Variants in NCBP3 observed in about 807,000 individuals in gnomAD.
NCBP3 encodes nuclear cap-binding protein subunit 3.
NCBP3 carries 20 observed loss-of-function variants against 75.7 expected under a neutral mutation model. The ratio of observed to expected loss-of-function variants is 0.26; its 90% confidence interval spans 0.19 to 0.38. NCBP3 has a LOEUF of 0.38. Among genes scored for constraint, NCBP3 ranks in the 10% least tolerant of loss-of-function variants. The pLI, the probability that NCBP3 is intolerant of heterozygous loss-of-function variation, is 1.00. For synonymous variants in NCBP3, 293 were observed against 290.5 expected, an observed-to-expected ratio of 1.01 and a Z score of -0.09; for missense variants, 678 against 796.9, an observed-to-expected ratio of 0.85 and a Z score of 1.80.
At chr17:3,829,478 T>A in intron 3 of NCBP3, 110 bp from the exon 4 acceptor site, 1 of 1,200,306 alleles carries the variant, frequency 8.3e-7, no homozygotes, top group East Asian at 2.6e-5. Flanking sequence ...GAAAGAAACA[T>A]GCTGAGAGAA....
chr17:3,815,442 G>A (rs141061916), intron 11 of NCBP3, among the ~76,000 whole-genome samples: 8 of 152,258 alleles, frequency 5.3e-5, no homozygotes, highest in African/African-American at 1.9e-4. Flanking sequence ...TAGCAGGTAC[G>A]GCTAAAGACC....
chr17:3,832,292 CCTA>C (rs1597407939), intron 3 of NCBP3, among the ~76,000 whole-genome samples: 1 of 119,604 alleles, frequency 8.4e-6, no homozygotes, highest in African/African-American at 2.5e-5. Context: ...AATATACCCA[CCTA>C]CTATGTACCC....
chr17:3,811,008 T>C lies in NCBP3; in HGVS notation c.*2036A>G, dbSNP rs1328426470. ...TTGCCCCGTCAGTAGAAGCAGAGAC[T>C]GTGCTGGGATGGGAATAAGCCCCTG... On this transcript the variant is annotated 3_prime_UTR_variant, in exon 13 of 13. Transcript: ENST00000389005. The C allele has an allele frequency of 2.0e-5, 3 of 152,354 alleles. No individual in the cohort carries two copies. Among genetic ancestry groups the C allele is most frequent in the African/African-American group, 7.2e-5 (3 of 41,462 alleles). The allele number at this position is 152,354 out of a possible 1,614,324, so 9.4% of individuals were successfully genotyped here.
rs535761775 is a variant in NCBP3 at position 3,846,150 on chromosome 17, G to T, written c.74C>A (p.Ser25Tyr). Residue 25 changes from serine (S) to tyrosine (Y), a missense_variant, in exon 1 of 13, where the codon TCC (serine) becomes TAC (tyrosine). This residue lies in a region of NCBP3 where 76 missense variants were observed against 53.8 expected (regional missense o/e 1.41). Transcript: ENST00000389005. The surrounding 1 kb of genome is among the most constrained non-coding windows in gnomAD (Gnocchi z 4.6). ...APAGPALGLP[S>Y]PEAESGVDRG... Reference sequence around the variant, plus strand: ...GTCAACACCGGACTCCGCCTCAGGGGACGGGAGCCCCAGGGCCGGCCCCGC... The same window carrying T: ...GTCAACACCGGACTCCGCCTCAGGGTACGGGAGCCCCAGGGCCGGCCCCGC... 5.4e-4 allele frequency: 831 copies of T among 1,538,378 alleles called. 4 individuals carry two copies. In the Middle Eastern group the frequency reaches 0.011, roughly 20 times the overall value.
chr17:3,819,829 G>C (rs1304585783), intron 9 of NCBP3, among the ~76,000 whole-genome samples: 1 of 152,056 alleles, frequency 6.6e-6, no homozygotes, highest in Non-Finnish European at 1.5e-5. Context: ...CATCATACAG[G>C]GTACTAGAAA....
Position 3,825,034 on chromosome 17 carries a change from T to C in NCBP3, c.704A>G (p.Gln235Arg). 6.5e-7 allele frequency: 1 copy of C among 1,530,744 alleles called. No individual in the cohort carries two copies. Among genetic ancestry groups the C allele is most frequent in the Non-Finnish European group, 8.8e-7 (1 of 1,133,914 alleles). 94.8% of individuals were successfully genotyped at this position (1,530,744 alleles called of 1,614,324 possible). Residue 235 changes from glutamine (Q) to arginine (R), a missense_variant, in exon 7 of 13, where the codon CAG becomes CGG. By Grantham distance (43) the Gln-to-Arg change is conservative (BLOSUM62 1). Transcript: ENST00000389005. The part of the protein sequence containing the change: ...SSDVELDTLS[Q>R]VEEESLLRND... Reference sequence around the variant, plus strand: ...TCTTAACAAAGACTCCTCTTCTACCTGAGACAACGTATCCAACTTAAGAAA... The same window carrying C: ...TCTTAACAAAGACTCCTCTTCTACCCGAGACAACGTATCCAACTTAAGAAA...
At chr17:3,831,143 T>C (rs1161301805) in intron 3 of NCBP3, among the ~76,000 whole-genome samples, 3 of 149,232 alleles carry the variant, frequency 2.0e-5, no homozygotes, top group Non-Finnish European at 4.5e-5. Flanking sequence ...ACTCCCGACC[T>C]CAGGTGATCC....
chr17:3,820,769 A>ACAAATAC (rs1233823209), intron 9 of NCBP3, among the ~76,000 whole-genome samples: 2 of 152,126 alleles, frequency 1.3e-5, no homozygotes, highest in South Asian at 4.1e-4. Context: ...CATCTCTACT[A>ACAAATAC]AAAATACAAA....
At chr17:3,813,540 C>T (rs2053465728) in intron 12 of NCBP3, among the ~76,000 whole-genome samples, 1 of 152,216 alleles carries the variant, frequency 6.6e-6, no homozygotes, top group African/African-American at 2.4e-5. Context: ...CCAGACACAT[C>T]AGAATCACCT....
chr17:3,843,154 AAC>A lies in NCBP3; in HGVS notation c.184-5_184-4del, dbSNP rs904211294. 3.9e-6 allele frequency: 6 copies of A among 1,551,240 alleles called. No homozygotes were observed. In the African/African-American group the frequency reaches 5.5e-5, roughly 14 times the overall value. On this transcript the variant is annotated splice_polypyrimidine_tract_variant and splice_region_variant and intron_variant, in intron 1 of 12. Transcript: ENST00000389005. The stretch of plus-strand genomic sequence containing the variant: ...TTTTCATATCTTCTGCTCGTGTCCT[AAC>A]ACAAAGGGGAAGGGTGAGAAATTCA...
intron 7 of NCBP3, chr17:3,822,465 A>T (rs1466146756): frequency 6.3e-6 from 1 of 158,762 alleles, no homozygotes; most frequent in East Asian, 1.9e-4. Flanking sequence ...ACAACACAGC[A>T]TCAGGATTAA....
At position 3,813,117 on chromosome 17, in the gene NCBP3, C is replaced by T. The variant is rs773424380; in HGVS notation, c.1790G>A (p.Arg597Gln). 8.1e-6 allele frequency: 13 copies of T among 1,614,100 alleles called. No homozygotes were observed. The highest frequency in any genetic ancestry group is 4.0e-5 in the African/African-American group (3 of 74,932). Residue 597 changes from arginine (R) to glutamine (Q), a missense_variant, in exon 13 of 13, where the codon CGG (arginine) becomes CAG (glutamine). Arg to Gln is a conservative substitution (Grantham distance 43). Around this residue, in one of 7 missense-constraint regions of NCBP3, gnomAD observed 365 missense variants for 392.7 expected, o/e 0.93. Coordinates refer to ENST00000389005, the MANE Select transcript of NCBP3 (RefSeq NM_001114118.3). ...EKEQSRQKKSRLDNLPSLQIE... is the reference protein window; with the variant it reads ...EKEQSRQKKSQLDNLPSLQIE... ...CTGGAGAGATGGTAAGTTATCTAACCGGCTCTTCTTTTGGCGAGACTGCTC... is the reference window on the plus strand; with the variant it reads ...CTGGAGAGATGGTAAGTTATCTAACTGGCTCTTCTTTTGGCGAGACTGCTC...
intron 12 of NCBP3, among the ~76,000 whole-genome samples, 162 bp from the exon 13 acceptor site, chr17:3,813,441 C>T (rs552260384): frequency 6.6e-6 from 1 of 152,190 alleles, no homozygotes; most frequent in Non-Finnish European, 1.5e-5. Flanking sequence ...TCTCATTTCC[C>T]GGGCCGCAGC....
chr17:3,844,598 C>G (rs2054126178), intron 1 of NCBP3, among the ~76,000 whole-genome samples: 1 of 152,202 alleles, frequency 6.6e-6, no homozygotes, highest in African/African-American at 2.4e-5. Flanking sequence ...GGCCTGTAAT[C>G]CCAGCACTTT....
At chr17:3,814,545 C>G (rs749130602) in intron 11 of NCBP3, 62 bp from the exon 12 acceptor site, 62 of 1,567,190 alleles carry the variant, frequency 4.0e-5, no homozygotes, top group Non-Finnish European at 5.1e-5. Flanking sequence ...GCACCAGCCG[C>G]CTGACACCTC....
chr17:3,844,806 G>A (rs1026640603), intron 1 of NCBP3, among the ~76,000 whole-genome samples: 4 of 152,028 alleles, frequency 2.6e-5, no homozygotes, highest in Non-Finnish European at 2.9e-5. Context: ...GCCAAGATCA[G>A]GCCATTGTAC....
chr17:3,824,908 G>T, intron 7 of NCBP3, 34 bp downstream of exon 7: 1 of 1,216,106 alleles, frequency 8.2e-7, no homozygotes, highest in Non-Finnish European at 1.2e-6. Context: ...CATTTTGATT[G>T]AAAATATAAA....
In NCBP3 at chr17:3,818,135, T is replaced by G; in HGVS notation, c.1310+128A>C. The G allele has an allele frequency of 1.3e-6, 1 of 785,048 alleles. No individual in the cohort carries two copies. Among genetic ancestry groups the G allele is most frequent in the Non-Finnish European group, 1.9e-6 (1 of 525,190 alleles). 48.6% of individuals were successfully genotyped at this position (785,048 alleles called of 1,614,324 possible). On this transcript the variant is annotated intron_variant, in intron 10 of 12. Coordinates refer to ENST00000389005, the MANE Select transcript of NCBP3 (RefSeq NM_001114118.3). This position sits in a 1 kb window ranked among gnomAD's most constrained non-coding sequence, Gnocchi z 4.7. The stretch of plus-strand genomic sequence containing the variant: ...TGTATAGAGGAAATACTGGATGCGT[T>G]TATTAAACTCCTACAAGGGACTGAA...
intron 3 of NCBP3, among the ~76,000 whole-genome samples, chr17:3,831,963 C>T (rs2143689976): frequency 8.2e-6 from 1 of 121,714 alleles, no homozygotes; most frequent in Admixed American, 8.2e-5. Flanking sequence ...GCGGGTGGAT[C>T]ACTTGATGTC....
Sources: allele counts gnomAD v4.1 joint callset (sites outside exome capture counted in the v4.1 genomes callset), GRCh38; gene constraint gnomAD v4.1.1; regional missense constraint gnomAD v4.1.1; non-coding constraint Gnocchi (gnomAD v3.1); transcripts MANE v1.5; gene names NCBI Gene and HGNC (gene_info 2026-07-23, HGNC 2026-07-21).